Variants in ANKRD46 observed in about 807,000 individuals in gnomAD.
The protein encoded by ANKRD46 is ankyrin repeat domain 46.
Under a neutral mutation model 19.8 loss-of-function variants are expected in ANKRD46, and 13 were observed. The observed-to-expected ratio is 0.66, with a 90% CI of 0.43 to 1.04. The LOEUF is 1.04. Ranked by LOEUF, ANKRD46 falls within the 50% of genes least tolerant of loss-of-function variation. The pLI, the probability that ANKRD46 is intolerant of heterozygous loss-of-function variation, is 0.00. For synonymous variants in ANKRD46, 91 were observed against 106.9 expected, an observed-to-expected ratio of 0.85 and a Z score of 0.92; for missense variants, 185 against 274.8, an observed-to-expected ratio of 0.67 and a Z score of 2.31.
chr8:100,532,062 G>A lies in ANKRD46; in HGVS notation c.-28+1147C>T, dbSNP rs1198542458. On this transcript the variant is annotated intron_variant, in intron 2 of 4. Coordinates refer to ENST00000335659, the MANE Select transcript of ANKRD46 (RefSeq NM_001270377.2). The surrounding 1 kb of genome is among the most constrained non-coding windows in gnomAD (Gnocchi z 4.7). ...ATGACTCACTGGATATGAAATGAAG[G>A]GTGAAAAGGGGCTGTTAAGAATAAT... is the stretch of plus-strand genomic sequence containing the variant. Among the ~76,000 whole-genome samples, 1 of 151,920 alleles carries A rather than the reference G, an allele frequency of 6.6e-6. No individual in the cohort carries two copies. Among genetic ancestry groups the A allele is most frequent in the African/African-American group, 2.4e-5 (1 of 41,352 alleles).
intron 1 of ANKRD46, chr8:100,551,497 G>A (rs1415748118): frequency 2.5e-6 from 2 of 793,212 alleles, no homozygotes; most frequent in East Asian, 3.0e-5. Flanking sequence ...AGATGGTGAT[G>A]GGATTTCCAT....
rs935653918 is a variant in ANKRD46, at chr8:100,534,761, T to C, written c.-130-1450A>G. Among the ~76,000 whole-genome samples, 4 of 152,194 alleles carry C rather than the reference T, an allele frequency of 2.6e-5. No homozygotes were observed. Among genetic ancestry groups the C allele is most frequent in the African/African-American group, 9.7e-5 (4 of 41,438 alleles). On this transcript the variant is annotated intron_variant, in intron 1 of 4. Coordinates refer to ENST00000335659, the MANE Select transcript of ANKRD46 (RefSeq NM_001270377.2). The surrounding 1 kb of genome is among the most constrained non-coding windows in gnomAD (Gnocchi z 4.2). ...TTAAATCCACAAGAAGGACAATGCT[T>C]CTGCAATTTTTTCTTTTTTTATTTT...
rs1311857438 is a variant in ANKRD46, at chr8:100,521,173, TA to T, written c.*1381del. 1.1e-5 allele frequency: 11 copies of T among 984,980 alleles called. No homozygotes were observed. The highest frequency in any genetic ancestry group is 1.3e-5 in the Non-Finnish European group (11 of 829,862). 61.0% of individuals were successfully genotyped at this position (984,980 alleles called of 1,614,324 possible). ...TGAAAGAGCAAGCCTCAATACTAGA[TA>T]CATAGATACAAGAGAAAATACCAAG... On this transcript the variant is annotated 3_prime_UTR_variant, in exon 5 of 5. Coordinates refer to ENST00000335659, the MANE Select transcript of ANKRD46 (RefSeq NM_001270377.2).
chr8:100,515,380 G>A (rs925453749), intron 5 of ANKRD46, among the ~76,000 whole-genome samples: 1 of 151,336 alleles, frequency 6.6e-6, no homozygotes, highest in African/African-American at 2.4e-5. Context: ...TGCATTAACC[G>A]AAATGGATTT....
rs1811923825 is a variant in ANKRD46 at position 100,529,941 on chromosome 8, T to G, written c.-27-81A>C. ...GAGTCATTTAGAAAAGCAATATTTC[T>G]CATCCTTTTTGGCCTCCTGCCTCTA... is the stretch of plus-strand genomic sequence containing the variant. On this transcript the variant is annotated intron_variant, in intron 2 of 4. Coordinates refer to ENST00000335659, the MANE Select transcript of ANKRD46 (RefSeq NM_001270377.2). The surrounding 1 kb of genome is among the most constrained non-coding windows in gnomAD (Gnocchi z 5.8). 8.6e-7 allele frequency: 1 copy of G among 1,160,614 alleles called. No homozygotes were observed. The highest frequency in any genetic ancestry group is 1.2e-6 in the Non-Finnish European group (1 of 839,106). The allele number at this position is 1,160,614 out of a possible 1,614,324, so 71.9% of individuals were successfully genotyped here.
In ANKRD46 at chr8:100,529,558, T is replaced by C; in HGVS notation, c.276A>G (p.Gln92=). 1.9e-6 allele frequency: 3 copies of C among 1,613,318 alleles called. No individual in the cohort carries two copies. Among genetic ancestry groups the C allele is most frequent in the Non-Finnish European group, 2.5e-6 (3 of 1,179,268 alleles). The change falls in exon 3 of 5, where the codon CAA becomes CAG. Residue 92 remains glutamine (Q), a synonymous_variant. Coordinates refer to ENST00000335659, the MANE Select transcript of ANKRD46 (RefSeq NM_001270377.2). The surrounding 1 kb of genome is among the most constrained non-coding windows in gnomAD (Gnocchi z 5.8). ...LHLCGHVDTI[Q]FLVSNGLKID... ...TTTTGAGTCCATTGGAAACCAAAAA[T>C]TGGATAGTATCCACATGGCCACAGA... is the stretch of plus-strand genomic sequence containing the variant.
rs1282709849 is a variant in ANKRD46 at position 100,543,300 on chromosome 8, G to A, written c.-130-9989C>T. 5.9e-5 allele frequency among the ~76,000 whole-genome samples: 9 copies of A among 152,104 alleles called. No individual in the cohort carries two copies. Among genetic ancestry groups the A allele is most frequent in the Non-Finnish European group, 1.2e-4 (8 of 68,024 alleles). ...AACTGTTGATACAAACCTTATTTTCGTTTTAATTCTTATTCTCAATCTCAA... is the reference window on the plus strand; with the variant it reads ...AACTGTTGATACAAACCTTATTTTCATTTTAATTCTTATTCTCAATCTCAA... On this transcript the variant is annotated intron_variant, in intron 1 of 4. Coordinates refer to ENST00000335659, the MANE Select transcript of ANKRD46 (RefSeq NM_001270377.2). The surrounding 1 kb of genome is among the most constrained non-coding windows in gnomAD (Gnocchi z 4.2).
intron 1 of ANKRD46, 96 bp from the exon 2 acceptor site, chr8:100,533,407 A>G (rs1361368517): frequency 6.6e-6 from 1 of 152,238 alleles, no homozygotes; most frequent in African/African-American, 2.4e-5. Context: ...GCCTGAAGAA[A>G]TTCTCTAGAA....
At position 100,546,973 on chromosome 8, in the gene ANKRD46, C is replaced by T. The variant is rs1586799775; in HGVS notation, c.-131+12738G>A. Among the ~76,000 whole-genome samples the T allele has an allele frequency of 6.6e-6, 1 of 152,324 alleles. No homozygotes were observed. Among genetic ancestry groups the T allele is most frequent in the South Asian group, 2.1e-4 (1 of 4,826 alleles). Reference sequence around the variant, plus strand: ...TTGGAATGGGAGCATTTACCCAATGCCTGTGCCCTCATTGTATCTTGGAAG... The same window carrying T: ...TTGGAATGGGAGCATTTACCCAATGTCTGTGCCCTCATTGTATCTTGGAAG... On this transcript the variant is annotated intron_variant, in intron 1 of 4. Coordinates refer to ENST00000335659, the MANE Select transcript of ANKRD46 (RefSeq NM_001270377.2). The surrounding 1 kb of genome is among the most constrained non-coding windows in gnomAD (Gnocchi z 4.0).
rs112670071 is a variant in ANKRD46 at position 100,511,436 on chromosome 8, T to TTGTGTGTGTGTG, written c.637-809_637-798dup. On this transcript the variant is annotated intron_variant, in intron 5 of 5. Transcript: ENST00000520552. This position sits in a 1 kb window ranked among gnomAD's most constrained non-coding sequence, Gnocchi z 4.1. ...GGTAAATGGTGAGGTAGACACCAAGTTGTGTGTGTGTGTGTGTGTGTGTGT... is the reference window on the plus strand; with the variant it reads ...GGTAAATGGTGAGGTAGACACCAAGTTGTGTGTGTGTGTGTGTGTGTGTGTGTGTGTGTGTGT... Among the ~76,000 whole-genome samples, 2 of 148,464 alleles carry TTGTGTGTGTGTG rather than the reference T, an allele frequency of 1.3e-5. No homozygotes were observed. Among genetic ancestry groups the TTGTGTGTGTGTG allele is most frequent in the African/African-American group, 4.9e-5 (2 of 40,472 alleles).
rs1047915755 is a variant in ANKRD46 at position 100,534,199 on chromosome 8, C to G, written c.-130-888G>C. ...TTCATTGTTATCAAATCCCTGTGAA[C>G]AAATTTATATAGGGAAATAATTAAT... On this transcript the variant is annotated intron_variant, in intron 1 of 4. Transcript: ENST00000335659. This position sits in a 1 kb window ranked among gnomAD's most constrained non-coding sequence, Gnocchi z 4.2. Among the ~76,000 whole-genome samples, 1 of 152,100 alleles carries G rather than the reference C, an allele frequency of 6.6e-6. No individual in the cohort carries two copies. The highest frequency in any genetic ancestry group is 1.5e-5 in the Non-Finnish European group (1 of 68,028).
intron 1 of ANKRD46, chr8:100,551,241 G>T: frequency 2.1e-6 from 1 of 469,516 alleles, no homozygotes; most frequent in Non-Finnish European, 4.0e-6. Context: ...GCTTGGCCGG[G>T]GGATTAAGCA....
In ANKRD46 at chr8:100,546,561, G is replaced by T. The variant is rs1812276979; in HGVS notation, c.-131+13150C>A. Among the ~76,000 whole-genome samples, 1 of 152,232 alleles carries T rather than the reference G, an allele frequency of 6.6e-6. No homozygotes were observed. On this transcript the variant is annotated intron_variant, in intron 1 of 4. Coordinates refer to ENST00000335659, the MANE Select transcript of ANKRD46 (RefSeq NM_001270377.2). This position sits in a 1 kb window ranked among gnomAD's most constrained non-coding sequence, Gnocchi z 4.0. The stretch of plus-strand genomic sequence containing the variant: ...ATGTCCAGACAGAAGTCTGCTACAG[G>T]GGCAGAGCCCTTATGGAGAACCTCT...
chr8:100,529,724 T>C lies in ANKRD46; in HGVS notation c.110A>G (p.Asp37Gly), dbSNP rs1811918477. ...YSKRLLESGFDPNIRDSRGRT... is the reference protein window; with the variant it reads ...YSKRLLESGFGPNIRDSRGRT... ...GCCCCTGCTGTCACGAATATTTGGGTCAAAGCCACTTTCCAAAAGCCGCTT... is the reference window on the plus strand; with the variant it reads ...GCCCCTGCTGTCACGAATATTTGGGCCAAAGCCACTTTCCAAAAGCCGCTT... Residue 37 changes from aspartate (D) to glycine (G), a missense_variant, in exon 3 of 5, where the codon GAC (aspartate) becomes GGC (glycine). Transcript: ENST00000335659. This position sits in a 1 kb window ranked among gnomAD's most constrained non-coding sequence, Gnocchi z 5.8. 1 of 1,614,114 alleles carries C rather than the reference T, an allele frequency of 6.2e-7. No individual in the cohort carries two copies. The highest frequency in any genetic ancestry group is 8.5e-7 in the Non-Finnish European group (1 of 1,180,050).
intron 1 of ANKRD46, among the ~76,000 whole-genome samples, chr8:100,552,149 TAAA>T (rs75161004): frequency 1.6e-4 from 19 of 120,494 alleles, no homozygotes; most frequent in African/African-American, 4.0e-4. Context: ...GACTCTGTCT[TAAA>T]AAAAAAAAAA....
At chr8:100,553,316 G>C (rs1812430985) in intron 1 of ANKRD46, among the ~76,000 whole-genome samples, 1 of 152,224 alleles carries the variant, frequency 6.6e-6, no homozygotes, top group African/African-American at 2.4e-5. Context: ...GGGCAGAGGG[G>C]CAGATTTAAA....
intron 4 of ANKRD46, among the ~76,000 whole-genome samples, chr8:100,523,500 T>C (rs1473085928): frequency 6.6e-6 from 1 of 152,104 alleles, no homozygotes. Flanking sequence ...ACAGTGTGTG[T>C]GAATCTTGAA....
At position 100,510,094 on chromosome 8, in the gene ANKRD46, A is replaced by G. The variant is rs1811526630; in HGVS notation, c.*483T>C. The G allele has an allele frequency of 6.5e-6, 1 of 153,218 alleles. No individual in the cohort carries two copies. Among genetic ancestry groups the G allele is most frequent in the South Asian group, 2.1e-4 (1 of 4,834 alleles). 9.5% of individuals were successfully genotyped at this position (153,218 alleles called of 1,614,324 possible). ...TGTGAAAGTGCTTTCCTCAGCTGCA[A>G]ACTGTATTTATGGCTTCTCGGAATT... is the stretch of plus-strand genomic sequence containing the variant. On this transcript the variant is annotated 3_prime_UTR_variant, in exon 6 of 6. Coordinates refer to the ANKRD46 transcript ENST00000520552. The surrounding 1 kb of genome is among the most constrained non-coding windows in gnomAD (Gnocchi z 4.9).
chr8:100,518,331 AT>A (rs1245384418), downstream of ANKRD46, among the ~76,000 whole-genome samples: 1 of 152,252 alleles, frequency 6.6e-6, no homozygotes, highest in African/African-American at 2.4e-5. Flanking sequence ...AATAAAATGT[AT>A]ATTTCAATAT....
Sources: gnomAD v4.1 joint callset for allele counts (sites outside exome capture counted in the v4.1 genomes callset) on GRCh38, gnomAD v4.1.1 for gene constraint, Gnocchi (gnomAD v3.1) non-coding constraint, MANE v1.5 for transcripts, NCBI Gene and HGNC (gene_info 2026-07-23, HGNC 2026-07-21) for gene names.